The following GRHL2 variants were observed in gnomAD, a reference collection of about 807,000 sequenced individuals.
The protein encoded by GRHL2 is grainyhead like transcription factor 2.
In GRHL2, 21 loss-of-function variants were observed where a neutral mutation model predicts 83.8. That is an observed-to-expected ratio of 0.25 (90% CI 0.18 to 0.36). GRHL2 has a LOEUF of 0.36. GRHL2 is among the 10% of genes least tolerant of loss of function. The probability of loss-of-function intolerance (pLI) is 1.00; values close to 1 mark genes in which losing one functional copy is unlikely to be tolerated. For missense variants in GRHL2, 623 were observed against 781.8 expected, an observed-to-expected ratio of 0.80 and a Z score of 2.42; for synonymous variants, 280 against 278.9, an observed-to-expected ratio of 1.00 and a Z score of -0.04.
chr8:101,549,576 C>T (rs368183435), intron 2 of GRHL2, among the ~76,000 whole-genome samples: 10 of 152,062 alleles, frequency 6.6e-5, no homozygotes, highest in South Asian at 2.1e-4. Context: ...GGGGAGAGGG[C>T]GAGGGATGCT....
At chr8:101,618,146 G>A (rs1330788544) in intron 8 of GRHL2, among the ~76,000 whole-genome samples, 2 of 152,076 alleles carry the variant, frequency 1.3e-5, no homozygotes, top group Non-Finnish European at 2.9e-5. Context: ...ATGTAAACCT[G>A]GGTGCTACAC....
At chr8:101,575,436 G>T (rs1198205384) in intron 6 of GRHL2, among the ~76,000 whole-genome samples, 1 of 152,134 alleles carries the variant, frequency 6.6e-6, no homozygotes, top group Non-Finnish European at 1.5e-5. Flanking sequence ...AAAGTGAAGA[G>T]TCCCCCCTTT....
rs16867951 is a variant in GRHL2 at position 101,593,510 on chromosome 8, A to T, written c.1004-5547A>T. ...TTTATAATTCGTTTAAAGCGGGGTG[A>T]TTATTTTTCAGCTATGGTAACTATC... On this transcript the variant is annotated intron_variant, in intron 7 of 15. Transcript: ENST00000646743. Among the ~76,000 whole-genome samples, 1,170 of 152,238 alleles carry T rather than the reference A, an allele frequency of 7.7e-3. 11 individuals carry two copies. Among genetic ancestry groups the T allele is most frequent in the African/African-American group, 0.026 (1,083 of 41,514 alleles).
At chr8:101,539,965 C>T (rs556494872) in intron 1 of GRHL2, among the ~76,000 whole-genome samples, 5 of 152,294 alleles carry the variant, frequency 3.3e-5, no homozygotes, top group African/African-American at 7.2e-5. Context: ...CATTATGTCA[C>T]GTGCCACTCC....
chr8:101,600,921 G>C (rs1170625135), intron 8 of GRHL2, among the ~76,000 whole-genome samples: 1 of 152,164 alleles, frequency 6.6e-6, no homozygotes, highest in Non-Finnish European at 1.5e-5. Flanking sequence ...ACTTTGAGAG[G>C]CCAAGGTGGG....
chr8:101,636,680 C>A, intron 11 of GRHL2: 2 of 562,176 alleles, frequency 3.6e-6, no homozygotes, highest in Non-Finnish European at 6.4e-6. Flanking sequence ...AGGAATTAAC[C>A]CCATGGAGAT....
intron 9 of GRHL2, among the ~76,000 whole-genome samples, chr8:101,630,596 C>T (rs553410507): frequency 6.6e-6 from 1 of 152,276 alleles, no homozygotes; most frequent in South Asian, 2.1e-4. Context: ...TGAAAGGTTG[C>T]TGGCCATTCT....
chr8:101,505,470 G>A (rs554786785), intron 1 of GRHL2, among the ~76,000 whole-genome samples: 41 of 151,506 alleles, frequency 2.7e-4, no homozygotes, highest in African/African-American at 9.5e-4. Flanking sequence ...CCAGCTACTC[G>A]GGAGGCTGAG....
the GRHL2 span, among the ~76,000 whole-genome samples, chr8:101,675,116 A>C: frequency 6.6e-6 from 1 of 152,118 alleles, no homozygotes. Context: ...TGAATGGGCA[A>C]AAACTGGAAG....
At chr8:101,539,854 C>T (rs1811116772) in intron 1 of GRHL2, among the ~76,000 whole-genome samples, 1 of 152,104 alleles carries the variant, frequency 6.6e-6, no homozygotes, top group Admixed American at 6.5e-5. Flanking sequence ...GGTTAGTCCC[C>T]TCTGTCGTGT....
chr8:101,674,377 T>A (rs10216699), downstream of GRHL2, among the ~76,000 whole-genome samples: 40,030 of 151,954 alleles, frequency 0.26, 5,718 homozygotes, highest in African/African-American at 0.35. Context: ...AAAGGGGATG[T>A]CACCACTGAT....
intron 1 of GRHL2, among the ~76,000 whole-genome samples, chr8:101,519,337 TCTA>T (rs1810635839): frequency 6.6e-6 from 1 of 152,148 alleles, no homozygotes; most frequent in Non-Finnish European, 1.5e-5. Flanking sequence ...CATTGATTCT[TCTA>T]CTGTTTTTAT....
chr8:101,550,324 A>G (rs1020663178), intron 2 of GRHL2, among the ~76,000 whole-genome samples: 2 of 152,106 alleles, frequency 1.3e-5, no homozygotes, highest in Non-Finnish European at 2.9e-5. Flanking sequence ...ATAGGACCCA[A>G]AAGATAGTTT....
chr8:101,528,109 C>G (rs531698787), intron 1 of GRHL2, among the ~76,000 whole-genome samples: 5 of 152,144 alleles, frequency 3.3e-5, no homozygotes, highest in Non-Finnish European at 5.9e-5. Context: ...TTCTAGTCTT[C>G]TTTTGTGTAT....
chr8:101,540,957 T>C (rs2130114325), intron 1 of GRHL2, among the ~76,000 whole-genome samples: 1 of 152,278 alleles, frequency 6.6e-6, no homozygotes, highest in South Asian at 2.1e-4. Context: ...CAATGTTTAT[T>C]ATATCACTCT....
At chr8:101,545,040 T>A (rs1811231815) in intron 2 of GRHL2, among the ~76,000 whole-genome samples, 1 of 152,148 alleles carries the variant, frequency 6.6e-6, no homozygotes, top group Admixed American at 6.5e-5. Flanking sequence ...GGGGAGATGA[T>A]TGAAAACAAA....
chr8:101,563,365 T>G (rs1811647151), intron 4 of GRHL2, among the ~76,000 whole-genome samples: 1 of 152,220 alleles, frequency 6.6e-6, no homozygotes, highest in South Asian at 2.1e-4. Context: ...GATTTTTTTT[T>G]TTTAATCTTT....
chr8:101,678,788 C>A, the GRHL2 span, among the ~76,000 whole-genome samples: 1 of 152,086 alleles, frequency 6.6e-6, no homozygotes, highest in Non-Finnish European at 1.5e-5. Flanking sequence ...AGCAGCCTAA[C>A]TGGGAGGCAC....
chr8:101,616,462 C>A (rs1364374169), intron 8 of GRHL2, among the ~76,000 whole-genome samples: 4 of 152,160 alleles, frequency 2.6e-5, no homozygotes, highest in African/African-American at 4.8e-5. Context: ...TGAGCCACCA[C>A]GCCCAGCCTG....
Sources: gnomAD v4.1 joint callset for allele counts (sites outside exome capture counted in the v4.1 genomes callset) on GRCh38, gnomAD v4.1.1 for gene constraint, MANE v1.5 for transcripts, NCBI Gene and HGNC (gene_info 2026-07-23, HGNC 2026-07-21) for gene names.